PTPRD: variants seen among roughly 807,000 people sequenced by gnomAD.
PTPRD encodes the protein receptor-type tyrosine-protein phosphatase delta.
A neutral mutation model predicts 214.5 loss-of-function variants in PTPRD; 34 were observed. That is an observed-to-expected ratio of 0.16 (90% CI 0.12 to 0.21). The LOEUF (loss-of-function observed/expected upper bound fraction) is 0.21. Among genes scored for constraint, PTPRD ranks in the 10% least tolerant of loss-of-function variants. The pLI is 1.00. For synonymous variants in PTPRD, 1,128 were observed against 845.7 expected (o/e 1.33, Z -5.79); for missense variants, 2,545 against 2,398.7 (o/e 1.06, Z -1.27).
chr9:10,524,619 G>A (rs988133104), intron 2 of PTPRD, among the ~76,000 whole-genome samples: 2 of 151,938 alleles, frequency 1.3e-5, no homozygotes, highest in African/African-American at 2.4e-5. Context: ...AAGGATATGT[G>A]TTGCCATTGA....
intron 26 of PTPRD, among the ~76,000 whole-genome samples, chr9:8,495,525 C>T (rs141221868): frequency 6.6e-4 from 100 of 152,218 alleles, no homozygotes; most frequent in African/African-American, 2.3e-3. Context: ...GGTAATGACC[C>T]ATTTAGTAGG....
At chr9:10,115,900 A>G (rs895337071) in intron 3 of PTPRD, among the ~76,000 whole-genome samples, 1 of 152,128 alleles carries the variant, frequency 6.6e-6, no homozygotes, top group African/African-American at 2.4e-5. Context: ...AAGTAAAAAC[A>G]AAATCTCTTT....
intron 5 of PTPRD, among the ~76,000 whole-genome samples, chr9:9,807,074 A>AGG (rs1431124981): frequency 6.6e-5 from 10 of 152,118 alleles, no homozygotes; most frequent in Non-Finnish European, 1.5e-4. Context: ...CCCTCTTCCA[A>AGG]GTATATTTCT....
intron 10 of PTPRD, among the ~76,000 whole-genome samples, chr9:9,152,649 C>T (rs1272248524): frequency 6.6e-6 from 1 of 152,120 alleles, no homozygotes; most frequent in Non-Finnish European, 1.5e-5. Flanking sequence ...TAATTTTCAC[C>T]TTTCGAATAT....
At chr9:10,195,848 A>G (rs1274097446) in intron 3 of PTPRD, among the ~76,000 whole-genome samples, 1 of 152,214 alleles carries the variant, frequency 6.6e-6, no homozygotes, top group Non-Finnish European at 1.5e-5. Flanking sequence ...TGATGTATCT[A>G]CCAACACGGA....
chr9:8,347,795 C>T (rs941730786), intron 39 of PTPRD, among the ~76,000 whole-genome samples: 16 of 152,056 alleles, frequency 1.1e-4, no homozygotes, highest in Admixed American at 4.6e-4. Flanking sequence ...GAGGAAAGGC[C>T]GTGTGACGGC....
chr9:9,949,858 T>G (rs74491304), intron 4 of PTPRD, among the ~76,000 whole-genome samples: 1,990 of 152,278 alleles, frequency 0.013, 32 homozygotes, highest in African/African-American at 0.045. Flanking sequence ...AAATTGAATC[T>G]TTGATGACCG....
chr9:8,942,057 C>T (rs2099037378), intron 11 of PTPRD, among the ~76,000 whole-genome samples: 1 of 152,160 alleles, frequency 6.6e-6, no homozygotes, highest in Non-Finnish European at 1.5e-5. Context: ...CCATCTGCCT[C>T]AGCCTTCCAA....
chr9:8,538,249 C>T (rs114083065), intron 14 of PTPRD, among the ~76,000 whole-genome samples: 1 of 151,868 alleles, frequency 6.6e-6, no homozygotes, highest in Non-Finnish European at 1.5e-5. Context: ...TAATTAACCA[C>T]TTTACCGAAA....
chr9:9,275,178 T>TATATATA (rs1944965055), intron 9 of PTPRD, among the ~76,000 whole-genome samples: 2 of 25,392 alleles, frequency 7.9e-5, no homozygotes, highest in Non-Finnish European at 1.4e-4. Context: ...ATATATAATA[T>TATATATA]ATATGTTATA....
intron 11 of PTPRD, among the ~76,000 whole-genome samples, chr9:8,790,163 C>G (rs149139789): frequency 6.6e-6 from 1 of 151,818 alleles, no homozygotes; most frequent in African/African-American, 2.4e-5. Context: ...ACTACAGGCA[C>G]GCATCACTAT....
intron 3 of PTPRD, among the ~76,000 whole-genome samples, chr9:10,276,795 G>C (rs1310031961): frequency 6.6e-6 from 1 of 152,176 alleles, no homozygotes; most frequent in Non-Finnish European, 1.5e-5. Flanking sequence ...AAAATTATAG[G>C]TCTAATACTT....
intron 9 of PTPRD, among the ~76,000 whole-genome samples, chr9:9,235,978 A>C (rs1002530996): frequency 1.3e-5 from 2 of 152,060 alleles, no homozygotes; most frequent in African/African-American, 4.8e-5. Flanking sequence ...AAAAGAGCAA[A>C]ATTGGCCAGG....
chr9:10,172,015 T>C (rs886780508), intron 3 of PTPRD, among the ~76,000 whole-genome samples: 6 of 152,166 alleles, frequency 3.9e-5, no homozygotes, highest in African/African-American at 1.2e-4. Flanking sequence ...CTCATAAGAA[T>C]TTATTTCAAG....
intron 11 of PTPRD, among the ~76,000 whole-genome samples, chr9:8,922,808 G>A (rs1015407419): frequency 6.0e-5 from 9 of 148,780 alleles, no homozygotes; most frequent in South Asian, 2.1e-4. Flanking sequence ...CATCACGCCC[G>A]GCTAATTTTT....
At chr9:10,587,059 A>T (rs2074111164) in intron 2 of PTPRD, among the ~76,000 whole-genome samples, 1 of 152,106 alleles carries the variant, frequency 6.6e-6, no homozygotes, top group Admixed American at 6.6e-5. Flanking sequence ...TTTCATGGTG[A>T]TATTTATCAC....
At chr9:8,822,714 T>C (rs1447282075) in intron 11 of PTPRD, among the ~76,000 whole-genome samples, 1 of 152,124 alleles carries the variant, frequency 6.6e-6, no homozygotes, top group Non-Finnish European at 1.5e-5. Context: ...AAATTAGACA[T>C]AGGAAACCAA....
chr9:10,488,001 TCTC>T (rs1345332763), intron 2 of PTPRD, among the ~76,000 whole-genome samples: 44 of 150,576 alleles, frequency 2.9e-4, no homozygotes, highest in Non-Finnish European at 5.9e-4. Flanking sequence ...TCTCTCTCTC[TCTC>T]TCTGTTCTGA....
chr9:8,452,849 AAG>A (rs1488966071), intron 33 of PTPRD, among the ~76,000 whole-genome samples: 2 of 152,226 alleles, frequency 1.3e-5, no homozygotes, highest in Non-Finnish European at 2.9e-5. Flanking sequence ...GAAAAAAACA[AAG>A]AGAAGTTGAG....
Sources: gnomAD v4.1 joint callset for allele counts (sites outside exome capture counted in the v4.1 genomes callset) on GRCh38, gnomAD v4.1.1 for gene constraint, MANE v1.5 for transcripts, NCBI Gene and HGNC (gene_info 2026-07-23, HGNC 2026-07-21) for gene names.